Variants in C8orf34 observed in about 807,000 individuals in gnomAD.
C8orf34 encodes the protein chromosome 8 open reading frame 34.
In C8orf34, 65 loss-of-function variants were observed where a neutral mutation model predicts 68.3. That is an observed-to-expected ratio of 0.95 (90% CI 0.78 to 1.17). The LOEUF is 1.17. Ranked by LOEUF, C8orf34 falls within the 50% of genes most tolerant of loss-of-function variation. C8orf34 has a pLI of 0.00. For missense variants in C8orf34, 664 were observed against 655.4 expected (o/e 1.01, Z -0.14); for synonymous variants, 244 against 241.2 (o/e 1.01, Z -0.11).
intron 10 of C8orf34, among the ~76,000 whole-genome samples, chr8:68,768,880 G>T (rs1823258701): frequency 7.0e-6 from 1 of 143,484 alleles, no homozygotes; most frequent in Admixed American, 6.9e-5. Flanking sequence ...AGATCACTGG[G>T]TTCACACTTT....
intron 10 of C8orf34, among the ~76,000 whole-genome samples, chr8:68,763,095 T>A (rs948181854): frequency 6.6e-6 from 1 of 152,174 alleles, no homozygotes; most frequent in African/African-American, 2.4e-5. Context: ...TAAATTCTCC[T>A]TGGAGTAAGA....
intron 7 of C8orf34, chr8:68,535,221 A>G: frequency 1.0e-6 from 1 of 979,268 alleles, no homozygotes. Context: ...TTTATGTGAA[A>G]TCTAATTTTA....
intron 1 of C8orf34, among the ~76,000 whole-genome samples, chr8:68,379,359 A>G (rs764399634): frequency 6.6e-6 from 1 of 152,200 alleles, no homozygotes; most frequent in Non-Finnish European, 1.5e-5. Flanking sequence ...AACAAATTCC[A>G]TGAAGGATCT....
chr8:68,644,240 G>A (rs1013249893), intron 8 of C8orf34, among the ~76,000 whole-genome samples: 26 of 152,282 alleles, frequency 1.7e-4, no homozygotes, highest in African/African-American at 6.3e-4. Flanking sequence ...ATAGGGGAGA[G>A]GGTAAGGGGA....
intron 7 of C8orf34, among the ~76,000 whole-genome samples, chr8:68,631,604 T>A (rs952909359): frequency 2.6e-5 from 4 of 152,204 alleles, no homozygotes; most frequent in Non-Finnish European, 5.9e-5. Context: ...ACTATTGATA[T>A]TGTTTGGCTC....
chr8:68,395,925 C>T (rs1478827247), intron 1 of C8orf34, among the ~76,000 whole-genome samples: 1 of 152,040 alleles, frequency 6.6e-6, no homozygotes, highest in African/African-American at 2.4e-5. Context: ...AGTAAGTGTA[C>T]ATAGTGATGG....
chr8:68,657,213 C>T (rs1563589948), intron 8 of C8orf34, among the ~76,000 whole-genome samples: 1 of 152,140 alleles, frequency 6.6e-6, no homozygotes, highest in East Asian at 1.9e-4. Context: ...TTCACATTCG[C>T]TTCCTTTTCT....
chr8:68,618,712 A>T (rs1023989450), intron 7 of C8orf34, among the ~76,000 whole-genome samples: 1 of 152,108 alleles, frequency 6.6e-6, no homozygotes, highest in African/African-American at 2.4e-5. Flanking sequence ...AATGTGAATG[A>T]ATCTAAGAAC....
intron 1 of C8orf34, among the ~76,000 whole-genome samples, chr8:68,422,973 TG>T (rs1324590592): frequency 1.3e-5 from 2 of 152,194 alleles, no homozygotes; most frequent in Non-Finnish European, 2.9e-5. Context: ...CCAAAGCAGC[TG>T]GGATTCAGGG....
chr8:68,480,649 G>A (rs949980580), intron 4 of C8orf34, among the ~76,000 whole-genome samples: 16 of 152,224 alleles, frequency 1.1e-4, no homozygotes, highest in African/African-American at 3.4e-4. Context: ...CTCAGATGGA[G>A]ATGAGGAACT....
rs189958059 is a variant in C8orf34, at chr8:68,630,434, C to T, written c.1106-9942C>T. Among the ~76,000 whole-genome samples the T allele has an allele frequency of 1.6e-3, 246 of 152,188 alleles. 1 individual carries two copies. The highest frequency in any genetic ancestry group is 5.6e-3 in the African/African-American group (234 of 41,550). Reference sequence around the variant, plus strand: ...GTTCAGACTAGCCACATTTCAAGCACTCAGTAATAACATGTAACTAGTGAC... The same window carrying T: ...GTTCAGACTAGCCACATTTCAAGCATTCAGTAATAACATGTAACTAGTGAC... On this transcript the variant is annotated intron_variant, in intron 7 of 13. Transcript: ENST00000518698.
chr8:68,813,448 C>A (rs1824716526), intron 12 of C8orf34, among the ~76,000 whole-genome samples: 1 of 152,078 alleles, frequency 6.6e-6, no homozygotes, highest in African/African-American at 2.4e-5. Context: ...TCTTCTCCTG[C>A]ACTTGTACTG....
chr8:68,639,985 T>G (rs7005895), intron 7 of C8orf34, among the ~76,000 whole-genome samples: 1,951 of 152,292 alleles, frequency 0.013, 38 homozygotes, highest in African/African-American at 0.043. Context: ...TGGTTCTGAG[T>G]TGAGAACAAA....
At chr8:68,561,674 C>T (rs1444573634) in intron 7 of C8orf34, among the ~76,000 whole-genome samples, 2 of 152,106 alleles carry the variant, frequency 1.3e-5, no homozygotes, top group Non-Finnish European at 2.9e-5. Context: ...AGGAGAATCA[C>T]TTGAACCTGG....
intron 7 of C8orf34, among the ~76,000 whole-genome samples, chr8:68,637,179 A>G (rs1818871679): frequency 6.6e-6 from 1 of 152,212 alleles, no homozygotes; most frequent in Non-Finnish European, 1.5e-5. Context: ...AACAGTTGAG[A>G]TGGATCTGTA....
At chr8:68,762,310 A>G (rs1471018784) in intron 10 of C8orf34, among the ~76,000 whole-genome samples, 2 of 152,132 alleles carry the variant, frequency 1.3e-5, no homozygotes, top group African/African-American at 2.4e-5. Context: ...TGATATATTT[A>G]ACTAACTGGC....
chr8:68,585,520 T>C (rs188531681), intron 7 of C8orf34, among the ~76,000 whole-genome samples: 2 of 152,304 alleles, frequency 1.3e-5, no homozygotes, highest in African/African-American at 4.8e-5. Flanking sequence ...TAGTTATCTA[T>C]GCTGCATAAC....
chr8:68,486,439 C>T (rs1403002873), intron 4 of C8orf34, among the ~76,000 whole-genome samples: 2 of 152,140 alleles, frequency 1.3e-5, no homozygotes. Flanking sequence ...TAGTTAGACT[C>T]TCTTTTGATG....
intron 7 of C8orf34, among the ~76,000 whole-genome samples, chr8:68,638,800 C>T (rs1242047503): frequency 6.6e-6 from 1 of 151,974 alleles, no homozygotes; most frequent in Non-Finnish European, 1.5e-5. Flanking sequence ...CATAGTCACA[C>T]AAATTAGTGG....
Sources: allele counts gnomAD v4.1 joint callset (sites outside exome capture counted in the v4.1 genomes callset), GRCh38; gene constraint gnomAD v4.1.1; transcripts MANE v1.5; gene names NCBI Gene and HGNC (gene_info 2026-07-23, HGNC 2026-07-21).